Variants in CDA observed in about 807,000 individuals in gnomAD.
The protein encoded by CDA is cytidine deaminase, also known as cytidine aminohydrolase.
In CDA, 7 loss-of-function variants were observed where a neutral mutation model predicts 15.0. That is an observed-to-expected ratio of 0.47 (90% CI 0.26 to 0.87). The LOEUF (loss-of-function observed/expected upper bound fraction) is 0.87. Ranked by LOEUF, CDA falls within the 40% of genes least tolerant of loss-of-function variation. CDA has a pLI of 0.15. For synonymous variants in CDA, 58 were observed against 73.0 expected, an observed-to-expected ratio of 0.79 and a Z score of 1.05; for missense variants, 159 against 182.7, an observed-to-expected ratio of 0.87 and a Z score of 0.75.
chr1:20,613,795 C>A (rs2154532849), intron 2 of CDA, 47 bp from the exon 3 acceptor site: 1 of 1,561,166 alleles, frequency 6.4e-7, no homozygotes, highest in South Asian at 1.1e-5. Flanking sequence ...CAATTGTCCT[C>A]AGTCCTTGGG....
At chr1:20,594,912 G>A (rs1018138482) in intron 1 of CDA, among the ~76,000 whole-genome samples, 6 of 152,166 alleles carry the variant, frequency 3.9e-5, no homozygotes, top group South Asian at 2.1e-4. Flanking sequence ...GTGCAGCGCC[G>A]GGTGGGTGAT....
At chr1:20,608,589 T>C (rs34918162) in intron 2 of CDA, among the ~76,000 whole-genome samples, 22,823 of 152,186 alleles carry the variant, frequency 0.15, 2,272 homozygotes, top group Middle Eastern at 0.32. Flanking sequence ...TTTGAATTTT[T>C]AGTAGAGACA....
intron 2 of CDA, among the ~76,000 whole-genome samples, chr1:20,607,403 C>T (rs930548792): frequency 9.9e-5 from 15 of 151,998 alleles, no homozygotes; most frequent in African/African-American, 2.2e-4. Flanking sequence ...GAATAAAGGA[C>T]GCTGTGCTGA....
At chr1:20,589,332 G>A in intron 1 of CDA, 49 bp downstream of exon 1, 2 of 1,582,084 alleles carry the variant, frequency 1.3e-6, no homozygotes, top group Non-Finnish European at 1.7e-6. Context: ...CTGGGTGGTG[G>A]GTCAGAGGAA....
intron 3 of CDA, among the ~76,000 whole-genome samples, chr1:20,617,418 G>C (rs1257114071): frequency 6.6e-6 from 1 of 152,170 alleles, no homozygotes; most frequent in Non-Finnish European, 1.5e-5. Flanking sequence ...ATCTCATCTT[G>C]AATTGTAGCT....
At chr1:20,612,154 C>T (rs1248221426) in intron 2 of CDA, among the ~76,000 whole-genome samples, 6 of 152,188 alleles carry the variant, frequency 3.9e-5, no homozygotes, top group South Asian at 4.1e-4. Flanking sequence ...TGAGCCACCA[C>T]GCCCAACCTG....
At chr1:20,612,316 G>A (rs1167936399) in intron 2 of CDA, among the ~76,000 whole-genome samples, 1 of 152,068 alleles carries the variant, frequency 6.6e-6, no homozygotes, top group African/African-American at 2.4e-5. Context: ...CAAGCTAAGC[G>A]GTCTTAACCC....
intron 1 of CDA, among the ~76,000 whole-genome samples, chr1:20,591,198 G>A (rs11589869): frequency 0.1 from 15,482 of 152,046 alleles, 858 homozygotes; most frequent in Non-Finnish European, 0.12. Context: ...AAAAATAGCC[G>A]GGCGTGGTGA....
intron 1 of CDA, among the ~76,000 whole-genome samples, chr1:20,594,562 C>T (rs955215855): frequency 4.0e-5 from 6 of 151,862 alleles, no homozygotes; most frequent in South Asian, 2.1e-4. Context: ...CCGAGCTGGG[C>T]GGATCACCTG....
intron 1 of CDA, among the ~76,000 whole-genome samples, chr1:20,593,837 A>G (rs1464657101): frequency 6.6e-6 from 1 of 152,172 alleles, no homozygotes; most frequent in African/African-American, 2.4e-5. Context: ...GGCCTCACAC[A>G]GTACTGGGAT....
intron 1 of CDA, 116 bp from the exon 2 acceptor site, chr1:20,604,812 C>T: frequency 1.3e-6 from 1 of 744,390 alleles, no homozygotes; most frequent in South Asian, 1.5e-5. Flanking sequence ...CTTCTCCCCA[C>T]CTTGTTTGGA....
At chr1:20,607,665 A>G (rs1476887051) in intron 2 of CDA, among the ~76,000 whole-genome samples, 2 of 152,204 alleles carry the variant, frequency 1.3e-5, no homozygotes, top group Non-Finnish European at 2.9e-5. Context: ...TGATTAGCAA[A>G]TGTCCTTATT....
At chr1:20,600,928 AC>A in intron 1 of CDA, among the ~76,000 whole-genome samples, 1 of 152,290 alleles carries the variant, frequency 6.6e-6, no homozygotes, top group African/African-American at 2.4e-5. Context: ...AGCTATAATA[AC>A]TAACATTTAA....
chr1:20,594,285 T>C (rs1365676874), intron 1 of CDA, among the ~76,000 whole-genome samples: 1 of 152,194 alleles, frequency 6.6e-6, no homozygotes, highest in African/African-American at 2.4e-5. Flanking sequence ...CCCTCACAGA[T>C]GGGCCACCCA....
At chr1:20,591,485 A>G (rs1420419674) in intron 1 of CDA, among the ~76,000 whole-genome samples, 1 of 152,188 alleles carries the variant, frequency 6.6e-6, no homozygotes, top group Non-Finnish European at 1.5e-5. Flanking sequence ...CTGAACATCA[A>G]CTCTGTTCCA....
intron 2 of CDA, among the ~76,000 whole-genome samples, chr1:20,610,292 T>TTTTTTTA (rs1570385187): frequency 6.8e-6 from 1 of 146,674 alleles, no homozygotes; most frequent in Non-Finnish European, 1.5e-5. Context: ...TTATTTTTAT[T>TTTTTTTA]TTTATTTATT....
At position 20,589,155 on chromosome 1, in the gene CDA, C is replaced by T. The variant is rs140821931; in HGVS notation, c.26C>T (p.Thr9Ile). The change falls in exon 1 of 4, where the codon ACC becomes ATC. Residue 9 changes from threonine (T) to isoleucine (I), a missense_variant. By Grantham distance (89) the Thr-to-Ile change is moderately conservative. Coordinates refer to ENST00000375071, the MANE Select transcript of CDA (RefSeq NM_001785.3). MAQKRPAC[T>I]LKPECVQQLL... The stretch of plus-strand genomic sequence containing the variant: ...ATGGCCCAGAAGCGTCCTGCCTGCA[C>T]CCTGAAGCCTGAGTGTGTCCAGCAG... 1.9e-6 allele frequency: 3 copies of T among 1,614,082 alleles called. No individual in the cohort carries two copies. The highest frequency in any genetic ancestry group is 2.5e-6 in the Non-Finnish European group (3 of 1,180,050).
At chr1:20,591,182 A>G (rs1469718552) in intron 1 of CDA, among the ~76,000 whole-genome samples, 1 of 152,050 alleles carries the variant, frequency 6.6e-6, no homozygotes, top group Non-Finnish European at 1.5e-5. Flanking sequence ...TACTAAAAAT[A>G]CAAAAAAAAA....
chr1:20,602,432 G>A (rs892392111), intron 1 of CDA, among the ~76,000 whole-genome samples: 1 of 148,772 alleles, frequency 6.7e-6, no homozygotes, highest in East Asian at 2.0e-4. Flanking sequence ...TTTTTTTTTC[G>A]TTGTGTTTTG....
Sources: gnomAD v4.1 joint callset for allele counts (sites outside exome capture counted in the v4.1 genomes callset) on GRCh38, gnomAD v4.1.1 for gene constraint, MANE v1.5 for transcripts, NCBI Gene and HGNC (gene_info 2026-07-23, HGNC 2026-07-21) for gene names.